The following PIP5K1B variants were observed in gnomAD, a reference collection of about 807,000 sequenced individuals.
The protein encoded by PIP5K1B is phosphatidylinositol-4-phosphate 5-kinase type 1 beta.
A neutral mutation model predicts 67.0 loss-of-function variants in PIP5K1B; 42 were observed. That is an observed-to-expected ratio of 0.63 (90% CI 0.49 to 0.81). The LOEUF is 0.81. PIP5K1B is among the 30% of genes least tolerant of loss of function. The pLI is 0.00. For missense variants in PIP5K1B, 459 were observed against 646.3 expected, an observed-to-expected ratio of 0.71 and a Z score of 3.14; for synonymous variants, 214 against 231.4, an observed-to-expected ratio of 0.92 and a Z score of 0.68.
chr9:68,719,723 A>C (rs1827795819), intron 1 of PIP5K1B, among the ~76,000 whole-genome samples: 1 of 152,240 alleles, frequency 6.6e-6, no homozygotes, highest in Non-Finnish European at 1.5e-5. Context: ...AACAGAATGG[A>C]AATTCAGCTT....
At chr9:68,772,384 C>T (rs1449390992) in intron 2 of PIP5K1B, among the ~76,000 whole-genome samples, 1 of 152,042 alleles carries the variant, frequency 6.6e-6, no homozygotes, top group Non-Finnish European at 1.5e-5. Context: ...TATTGTATGC[C>T]AAGAAGGATG....
chr9:69,005,938 A>G (rs1571635), intron 15 of PIP5K1B, among the ~76,000 whole-genome samples: 150,612 of 151,948 alleles, frequency 0.99, 74,663 homozygotes, highest in Middle Eastern at 1. Context: ...GGAATGCAGC[A>G]GTGTGATCAT....
chr9:68,774,992 T>C (rs1830846137), intron 2 of PIP5K1B, among the ~76,000 whole-genome samples: 1 of 152,228 alleles, frequency 6.6e-6, no homozygotes, highest in Admixed American at 6.5e-5. Flanking sequence ...GTAAATTTTA[T>C]ATTTGTGAAT....
intron 4 of PIP5K1B, among the ~76,000 whole-genome samples, chr9:68,835,133 A>G (rs2132125391): frequency 6.6e-6 from 1 of 152,352 alleles, no homozygotes; most frequent in African/African-American, 2.4e-5. Context: ...ATGATTGTTC[A>G]GGTTTGCTAT....
intron 5 of PIP5K1B, among the ~76,000 whole-genome samples, chr9:68,875,121 G>T (rs1393085451): frequency 2.6e-5 from 4 of 151,708 alleles, no homozygotes; most frequent in Admixed American, 6.6e-5. Context: ...ATGATTTGGG[G>T]GTCATTCCTT....
intron 2 of PIP5K1B, among the ~76,000 whole-genome samples, chr9:68,750,279 C>T (rs560998404): frequency 1.8e-4 from 27 of 152,342 alleles, no homozygotes; most frequent in Non-Finnish European, 3.4e-4. Flanking sequence ...GCCCTCCCCT[C>T]TCACCTTTCA....
intron 2 of PIP5K1B, among the ~76,000 whole-genome samples, chr9:68,760,237 T>C (rs1830122432): frequency 6.6e-6 from 1 of 152,086 alleles, no homozygotes; most frequent in African/African-American, 2.4e-5. Context: ...ACCTAGTACT[T>C]CTCACAAATC....
intron 1 of PIP5K1B, among the ~76,000 whole-genome samples, chr9:68,740,911 C>A (rs2132315864): frequency 6.6e-6 from 1 of 152,306 alleles, no homozygotes; most frequent in South Asian, 2.1e-4. Context: ...CTTGGTGTGT[C>A]AGAGGTCTTT....
intron 9 of PIP5K1B, among the ~76,000 whole-genome samples, chr9:68,918,342 GGCTTCCCAA>G (rs1826205877): frequency 6.6e-6 from 1 of 152,106 alleles, no homozygotes; most frequent in Admixed American, 6.6e-5. Flanking sequence ...CACCTGCCTT[GGCTTCCCAA>G]AGTGCTGGGA....
chr9:68,775,211 ACT>A (rs1830858326), intron 2 of PIP5K1B, among the ~76,000 whole-genome samples: 1 of 152,126 alleles, frequency 6.6e-6, no homozygotes, highest in South Asian at 2.1e-4. Flanking sequence ...CTTATCACAC[ACT>A]GTCACCGTAA....
intron 14 of PIP5K1B, among the ~76,000 whole-genome samples, chr9:68,980,676 C>T (rs1220448286): frequency 1.3e-5 from 2 of 152,142 alleles, no homozygotes; most frequent in Non-Finnish European, 2.9e-5. Flanking sequence ...GATGAGGAAC[C>T]AGGAGCTCAG....
At chr9:68,886,620 C>A (rs1333714098) in intron 6 of PIP5K1B, among the ~76,000 whole-genome samples, 1 of 152,212 alleles carries the variant, frequency 6.6e-6, no homozygotes, top group African/African-American at 2.4e-5. Context: ...TGAGAACATC[C>A]AGGGCCAGGA....
chr9:68,938,732 A>C (rs1355688425), intron 13 of PIP5K1B, among the ~76,000 whole-genome samples: 1 of 152,182 alleles, frequency 6.6e-6, no homozygotes, highest in Non-Finnish European at 1.5e-5. Flanking sequence ...GGCAGAATTC[A>C]GCTCCTTGTA....
intron 12 of PIP5K1B, among the ~76,000 whole-genome samples, chr9:68,930,599 A>AT (rs899605853): frequency 1.8e-3 from 270 of 149,482 alleles, no homozygotes; most frequent in African/African-American, 5.7e-3. Context: ...TTTTATTATT[A>AT]TTTTTTTTTT....
Position 69,008,434 on chromosome 9 carries a change from T to C in PIP5K1B, c.1621-13T>C. 1 of 1,613,794 alleles carries C rather than the reference T, an allele frequency of 6.2e-7. No individual in the cohort carries two copies. The highest frequency in any genetic ancestry group is 8.5e-7 in the Non-Finnish European group (1 of 1,179,652). The stretch of plus-strand genomic sequence containing the variant: ...AAAATCTAGTCTCACACCTGCTTTT[T>C]TGCTCCCCCCAGTAAGTGAAAATGG... On this transcript the variant is annotated splice_polypyrimidine_tract_variant and intron_variant, in intron 15 of 15. Transcript: ENST00000265382.
At chr9:68,720,687 G>A (rs775481448) in intron 1 of PIP5K1B, among the ~76,000 whole-genome samples, 4 of 151,336 alleles carry the variant, frequency 2.6e-5, no homozygotes, top group South Asian at 2.1e-4. Flanking sequence ...CTATCTACCC[G>A]CTTTAAGCAA....
At chr9:68,755,711 A>G (rs958685708) in intron 2 of PIP5K1B, among the ~76,000 whole-genome samples, 3 of 152,230 alleles carry the variant, frequency 2.0e-5, no homozygotes, top group African/African-American at 7.2e-5. Context: ...GAACATTTAA[A>G]TAAGACAACT....
chr9:69,000,266 A>G (rs1437416379), intron 15 of PIP5K1B, among the ~76,000 whole-genome samples: 1 of 152,184 alleles, frequency 6.6e-6, no homozygotes, highest in Non-Finnish European at 1.5e-5. Context: ...TCGGTCTTCC[A>G]CAGGTCCTCG....
At chr9:68,850,861 A>G (rs998192896) in intron 4 of PIP5K1B, among the ~76,000 whole-genome samples, 4 of 152,236 alleles carry the variant, frequency 2.6e-5, no homozygotes, top group African/African-American at 9.6e-5. Flanking sequence ...GAATAGTATT[A>G]AGGATATTAT....
Sources: gnomAD v4.1 joint callset for allele counts (sites outside exome capture counted in the v4.1 genomes callset) on GRCh38, gnomAD v4.1.1 for gene constraint, MANE v1.5 for transcripts, NCBI Gene and HGNC (gene_info 2026-07-23, HGNC 2026-07-21) for gene names.